INPP4B: variants seen among roughly 807,000 people sequenced by gnomAD.
INPP4B encodes the protein inositol polyphosphate-4-phosphatase type II B.
Under a neutral mutation model 122.5 loss-of-function variants are expected in INPP4B, and 55 were observed. The ratio of observed to expected loss-of-function variants is 0.45; its 90% CI spans 0.36 to 0.56. The LOEUF (loss-of-function observed/expected upper bound fraction) is 0.56, where lower values mean the gene tolerates loss of function less well. Among genes scored for constraint, INPP4B ranks in the 20% least tolerant of loss-of-function variants. The pLI is 0.00. For synonymous variants in INPP4B, 403 were observed against 388.7 expected (o/e 1.04, Z -0.43); for missense variants, 1,000 against 1,097.7 (o/e 0.91, Z 1.26).
At chr4:142,699,828 CATT>C (rs891358231) in intron 2 of INPP4B, among the ~76,000 whole-genome samples, 11 of 152,272 alleles carry the variant, frequency 7.2e-5, no homozygotes, top group African/African-American at 2.2e-4. Flanking sequence ...TCTTCTCCAT[CATT>C]GTGAGTCAAC....
Position 142,477,427 on chromosome 4 carries a change from A to T in INPP4B, c.-190-14701T>A, listed in dbSNP as rs191718780. On this transcript the variant is annotated intron_variant, in intron 2 of 25. Transcript: ENST00000262992. Reference sequence around the variant, plus strand: ...ACCAACCCCAACACTAGCAAAAGAGAAGAAATAAGCAAAATTAGGGCTGAT... The same window carrying T: ...ACCAACCCCAACACTAGCAAAAGAGTAGAAATAAGCAAAATTAGGGCTGAT... Among the ~76,000 whole-genome samples, 7 of 152,216 alleles carry T rather than the reference A, an allele frequency of 4.6e-5. No individual in the cohort carries two copies. In the East Asian group the frequency reaches 1.4e-3, roughly 29 times the overall value.
chr4:142,068,068 G>A (rs1300903808), intron 25 of INPP4B, among the ~76,000 whole-genome samples: 1 of 152,162 alleles, frequency 6.6e-6, no homozygotes, highest in Non-Finnish European at 1.5e-5. Context: ...AAAAAGTTAA[G>A]GGCAGCCAGA....
At chr4:142,280,131 G>A (rs992494813) in intron 9 of INPP4B, among the ~76,000 whole-genome samples, 1 of 151,734 alleles carries the variant, frequency 6.6e-6, no homozygotes, top group Non-Finnish European at 1.5e-5. Flanking sequence ...AGGAAAAACA[G>A]CTCAGCTGCT....
intron 21 of INPP4B, 89 bp from the exon 22 acceptor site, chr4:142,112,771 G>A: frequency 7.9e-7 from 1 of 1,261,846 alleles, no homozygotes; most frequent in Non-Finnish European, 1.1e-6. Flanking sequence ...TAAAAGGGTT[G>A]GAATATAGCA....
intron 1 of INPP4B, among the ~76,000 whole-genome samples, chr4:142,799,756 C>T (rs1449465007): frequency 1.3e-5 from 2 of 151,616 alleles, no homozygotes; most frequent in Non-Finnish European, 3.0e-5. Context: ...CAAGTTTGTT[C>T]CCTGTTTTGT....
chr4:142,163,506 A>C (rs187099958), intron 16 of INPP4B, among the ~76,000 whole-genome samples: 1 of 152,024 alleles, frequency 6.6e-6, no homozygotes, highest in East Asian at 1.9e-4. Context: ...ATCTAACATC[A>C]TCACAAGAAG....
intron 2 of INPP4B, among the ~76,000 whole-genome samples, chr4:142,470,737 G>A (rs1818668017): frequency 6.6e-6 from 1 of 152,164 alleles, no homozygotes; most frequent in Admixed American, 6.5e-5. Context: ...TTAAATAAGT[G>A]TGACATTGGC....
chr4:142,180,238 T>C (rs1231940955), intron 15 of INPP4B, among the ~76,000 whole-genome samples: 1 of 152,124 alleles, frequency 6.6e-6, no homozygotes, highest in African/African-American at 2.4e-5. Flanking sequence ...AGACAAACTA[T>C]ACTATAATAA....
chr4:142,284,656 G>A (rs1349007900), intron 9 of INPP4B, among the ~76,000 whole-genome samples: 2 of 152,038 alleles, frequency 1.3e-5, no homozygotes, highest in Non-Finnish European at 2.9e-5. Flanking sequence ...ATGTGGAGGT[G>A]TAAAATAGTG....
At chr4:142,659,489 T>C (rs368373299) in intron 2 of INPP4B, among the ~76,000 whole-genome samples, 1 of 152,146 alleles carries the variant, frequency 6.6e-6, no homozygotes, top group African/African-American at 2.4e-5. Flanking sequence ...AACTCATTAG[T>C]TGTTTTTAAT....
At chr4:142,660,423 G>C (rs1408867868) in intron 2 of INPP4B, among the ~76,000 whole-genome samples, 2 of 151,928 alleles carry the variant, frequency 1.3e-5, no homozygotes, top group Non-Finnish European at 2.9e-5. Flanking sequence ...TGAACCCCTG[G>C]AACTCCTTTA....
chr4:142,377,153 T>A (rs749986782), intron 7 of INPP4B, among the ~76,000 whole-genome samples: 104 of 151,514 alleles, frequency 6.9e-4, no homozygotes, highest in African/African-American at 1.3e-3. Flanking sequence ...AAAAAAAAAA[T>A]TTTTAAAACA....
chr4:142,640,612 T>C (rs1410041185), intron 2 of INPP4B, among the ~76,000 whole-genome samples: 2 of 151,750 alleles, frequency 1.3e-5, no homozygotes, highest in African/African-American at 4.8e-5. Context: ...ATAAAGAAAT[T>C]AGAGATAAAT....
intron 2 of INPP4B, among the ~76,000 whole-genome samples, chr4:142,628,146 G>A (rs936004307): frequency 6.6e-6 from 1 of 150,650 alleles, no homozygotes; most frequent in Non-Finnish European, 1.5e-5. Flanking sequence ...CAATAGCAAA[G>A]ACTTGGAACC....
chr4:142,172,406 G>A (rs1016954324), intron 16 of INPP4B, among the ~76,000 whole-genome samples: 3 of 151,874 alleles, frequency 2.0e-5, no homozygotes, highest in African/African-American at 7.2e-5. Context: ...CATAAAGTGT[G>A]AAGCCCCTTG....
At position 142,511,817 on chromosome 4, in the gene INPP4B, AT is replaced by A. The variant is rs142041393; in HGVS notation, c.-190-49092del. 3.7e-3 allele frequency among the ~76,000 whole-genome samples: 571 copies of A among 152,298 alleles called. 7 individuals carry two copies. The highest frequency in any genetic ancestry group is 0.011 in the African/African-American group (469 of 41,572). On this transcript the variant is annotated intron_variant, in intron 2 of 25. Coordinates refer to ENST00000262992, the MANE Select transcript of INPP4B (RefSeq NM_001101669.3). Reference sequence around the variant, plus strand: ...TAGAGTTAAAAGAATATTTGCATATATTTTCATAACTGATGGCTACAATAAA... The same window carrying A: ...TAGAGTTAAAAGAATATTTGCATATATTTCATAACTGATGGCTACAATAAA...
chr4:142,695,783 T>C (rs1462147468), intron 2 of INPP4B, among the ~76,000 whole-genome samples: 1 of 152,144 alleles, frequency 6.6e-6, no homozygotes, highest in African/African-American at 2.4e-5. Flanking sequence ...CAATCAAATC[T>C]TAGTTGTCAG....
At position 142,030,420 on chromosome 4, in the gene INPP4B, T is replaced by A. The variant is rs1013873641; in HGVS notation, c.2643-1506A>T. 4.7e-6 allele frequency: 4 copies of A among 843,862 alleles called. No individual in the cohort carries two copies. In the African/African-American group the frequency reaches 6.8e-5, roughly 14 times the overall value. The allele number at this position is 843,862 out of a possible 1,614,324, so 52.3% of individuals were successfully genotyped here. A position where few individuals can be genotyped will look rare whatever the true frequency, so the allele number is the denominator to read the frequency against. The stretch of plus-strand genomic sequence containing the variant: ...GCATTATCTTACATAACACAACTCT[T>A]TCAGATGAAATCTTATGGTAAATTT... On this transcript the variant is annotated intron_variant, in intron 25 of 25. Transcript: ENST00000262992.
intron 14 of INPP4B, among the ~76,000 whole-genome samples, chr4:142,202,186 T>C (rs1055512883): frequency 1.3e-5 from 2 of 151,992 alleles, no homozygotes; most frequent in African/African-American, 4.8e-5. Flanking sequence ...ACCAGATTGA[T>C]TTGAGATTTA....
Sources: gnomAD v4.1 joint callset for allele counts (sites outside exome capture counted in the v4.1 genomes callset) on GRCh38, gnomAD v4.1.1 for gene constraint, MANE v1.5 for transcripts, NCBI Gene and HGNC (gene_info 2026-07-23, HGNC 2026-07-21) for gene names.